GRIA1: variants seen among roughly 807,000 people sequenced by gnomAD.
The protein encoded by GRIA1 is glutamate receptor 1.
GRIA1 carries 31 observed loss-of-function variants against 99.2 expected under a neutral mutation model. The observed-to-expected ratio is 0.31, with a 90% CI of 0.23 to 0.42. The LOEUF is 0.42. Among genes scored for constraint, GRIA1 ranks in the 10% least tolerant of loss-of-function variants. The pLI, the probability that GRIA1 is intolerant of heterozygous loss-of-function variation, is 1.00. For synonymous variants in GRIA1, 438 were observed against 432.4 expected (o/e 1.01, Z -0.16); for missense variants, 782 against 1,157.5 (o/e 0.68, Z 4.71).
At chr5:153,518,506 G>C (rs771882981) in intron 2 of GRIA1, among the ~76,000 whole-genome samples, 1 of 152,264 alleles carries the variant, frequency 6.6e-6, no homozygotes, top group Non-Finnish European at 1.5e-5. Flanking sequence ...AAAATACACA[G>C]CCACTACTCT....
chr5:153,687,632 G>C (rs1287009323), intron 8 of GRIA1, among the ~76,000 whole-genome samples: 1 of 152,194 alleles, frequency 6.6e-6, no homozygotes, highest in East Asian at 1.9e-4. Context: ...CAAGTGCTCA[G>C]TAGCCACATG....
chr5:153,610,552 T>C (rs770769220), intron 2 of GRIA1, among the ~76,000 whole-genome samples: 5 of 152,264 alleles, frequency 3.3e-5, no homozygotes, highest in Admixed American at 6.5e-5. Flanking sequence ...ATAGCTACTC[T>C]ATGCAAAATA....
At chr5:153,584,776 G>C (rs1763328305) in intron 2 of GRIA1, among the ~76,000 whole-genome samples, 1 of 152,168 alleles carries the variant, frequency 6.6e-6, no homozygotes, top group African/African-American at 2.4e-5. Context: ...CTACAATGTG[G>C]TATTTTATGT....
intron 2 of GRIA1, among the ~76,000 whole-genome samples, chr5:153,595,787 G>T (rs1290146711): frequency 3.4e-5 from 5 of 147,852 alleles, no homozygotes. Flanking sequence ...ATGTAAATAC[G>T]GTCTACATCT....
At chr5:153,802,108 G>T (rs535232331) in intron 14 of GRIA1, among the ~76,000 whole-genome samples, 105 of 152,214 alleles carry the variant, frequency 6.9e-4, no homozygotes, top group African/African-American at 2.5e-3. Flanking sequence ...GTGGGGAATT[G>T]TAATTACAAG....
intron 2 of GRIA1, among the ~76,000 whole-genome samples, chr5:153,570,556 T>C (rs997184163): frequency 1.3e-5 from 2 of 152,214 alleles, no homozygotes; most frequent in Non-Finnish European, 2.9e-5. Flanking sequence ...TTTTTTTTCC[T>C]ACATTAAAAC....
chr5:153,561,527 C>G (rs1210372358), intron 2 of GRIA1, among the ~76,000 whole-genome samples: 1 of 152,160 alleles, frequency 6.6e-6, no homozygotes, highest in Non-Finnish European at 1.5e-5. Flanking sequence ...TGATGTCAAA[C>G]CCCGTCCATG....
chr5:153,728,441 C>T (rs1019513758), intron 11 of GRIA1, among the ~76,000 whole-genome samples: 1 of 138,638 alleles, frequency 7.2e-6, no homozygotes, highest in Non-Finnish European at 1.5e-5. Flanking sequence ...TCAGAGTGAA[C>T]AGGCAACCTA....
intron 2 of GRIA1, among the ~76,000 whole-genome samples, chr5:153,627,487 C>A (rs1395364197): frequency 6.6e-6 from 1 of 152,178 alleles, no homozygotes; most frequent in East Asian, 1.9e-4. Flanking sequence ...AATCTCCCCT[C>A]ACTTGAAAAA....
chr5:153,498,729 T>C (rs893098629), intron 2 of GRIA1, among the ~76,000 whole-genome samples: 1 of 152,108 alleles, frequency 6.6e-6, no homozygotes, highest in African/African-American at 2.4e-5. Flanking sequence ...ATTTCTGGCA[T>C]CTTTAAAAAA....
intron 8 of GRIA1, among the ~76,000 whole-genome samples, chr5:153,693,823 G>C (rs1339301487): frequency 6.6e-6 from 1 of 152,182 alleles, no homozygotes; most frequent in African/African-American, 2.4e-5. Flanking sequence ...GAGAATCAAA[G>C]TGCTGTATTA....
chr5:153,523,466 T>G (rs968472152), intron 2 of GRIA1, among the ~76,000 whole-genome samples: 4 of 152,160 alleles, frequency 2.6e-5, no homozygotes, highest in Non-Finnish European at 5.9e-5. Context: ...CTCATTTGGC[T>G]GAACTTTACT....
At chr5:153,692,557 A>G (rs1246013669) in intron 8 of GRIA1, among the ~76,000 whole-genome samples, 1 of 152,224 alleles carries the variant, frequency 6.6e-6, no homozygotes, top group East Asian at 1.9e-4. Flanking sequence ...CTGCATGACA[A>G]CAACAGAGAT....
chr5:153,600,577 C>G (rs1764858342), intron 2 of GRIA1, among the ~76,000 whole-genome samples: 1 of 151,922 alleles, frequency 6.6e-6, no homozygotes, highest in Non-Finnish European at 1.5e-5. Flanking sequence ...CCCAAAGCAC[C>G]TACATACATA....
intron 2 of GRIA1, among the ~76,000 whole-genome samples, chr5:153,626,450 G>C (rs1441979057): frequency 8.0e-5 from 7 of 87,826 alleles, no homozygotes; most frequent in Admixed American, 7.9e-4. Flanking sequence ...GTGTCTGTGT[G>C]TGTGTGTGTG....
In GRIA1 at chr5:153,813,410, G is replaced by A. The variant is rs1468652417; in HGVS notation, c.*2185G>A. On this transcript the variant is annotated 3_prime_UTR_variant, in exon 16 of 16. Transcript: ENST00000285900. ...GCCTCTCCAGCTACTGAGCCCACAA[G>A]TAACATGAGCGGATAAAAAGAGACT... 1.3e-5 allele frequency: 2 copies of A among 152,194 alleles called. No homozygotes were observed. The highest frequency in any genetic ancestry group is 2.9e-5 in the Non-Finnish European group (2 of 68,056). The allele number at this position is 152,194 out of a possible 1,614,324, so 9.4% of individuals were successfully genotyped here.
intron 2 of GRIA1, among the ~76,000 whole-genome samples, chr5:153,632,660 G>C (rs1753065230): frequency 6.6e-6 from 1 of 152,012 alleles, no homozygotes. Context: ...AGATACTATG[G>C]TCCTCACGTC....
intron 2 of GRIA1, among the ~76,000 whole-genome samples, chr5:153,496,929 A>T: frequency 6.6e-6 from 1 of 150,924 alleles, no homozygotes; most frequent in African/African-American, 2.4e-5. Flanking sequence ...TTCCCTTTGC[A>T]TTTTGCTATT....
chr5:153,602,956 T>A (rs1384802371), intron 2 of GRIA1, among the ~76,000 whole-genome samples: 2 of 152,198 alleles, frequency 1.3e-5, no homozygotes, highest in African/African-American at 4.8e-5. Flanking sequence ...CTTTGTTTAA[T>A]CATGCTAAGC....
Sources: gnomAD v4.1 joint callset for allele counts (sites outside exome capture counted in the v4.1 genomes callset) on GRCh38, gnomAD v4.1.1 for gene constraint, MANE v1.5 for transcripts, NCBI Gene and HGNC (gene_info 2026-07-23, HGNC 2026-07-21) for gene names.